Variants in NAALADL2 observed in about 807,000 individuals in gnomAD.
The protein encoded by NAALADL2 is N-acetylated alpha-linked acidic dipeptidase like 2, also known as inactive N-acetylated-alpha-linked acidic dipeptidase-like protein 2.
NAALADL2 carries 76 observed loss-of-function variants against 87.2 expected under a neutral mutation model. That is an observed-to-expected ratio of 0.87 (90% CI 0.72 to 1.05). The LOEUF is 1.05. Ranked by LOEUF, NAALADL2 falls within the 50% of genes least tolerant of loss-of-function variation. The pLI is 0.00. For missense variants in NAALADL2, 1,089 were observed against 945.8 expected (o/e 1.15, Z -1.99); for synonymous variants, 354 against 331.0 (o/e 1.07, Z -0.75).
At chr3:174,581,292 A>G (rs1716138848) in intron 2 of NAALADL2, among the ~76,000 whole-genome samples, 1 of 152,162 alleles carries the variant, frequency 6.6e-6, no homozygotes, top group South Asian at 2.1e-4. Flanking sequence ...AAATGTATTT[A>G]TATTAAGGCA....
At position 174,963,094 on chromosome 3, in the gene NAALADL2, G is replaced by A. The variant is rs941612337; in HGVS notation, c.43+103644G>A. ...CTGTCATTTGAATCCATAAATGCAG[G>A]GCCTGCAGATATGGGAGGTCAAATA... On this transcript the variant is annotated intron_variant, in intron 1 of 13. Transcript: ENST00000454872. Among the ~76,000 whole-genome samples, 6 of 151,870 alleles carry A rather than the reference G, an allele frequency of 4.0e-5. No homozygotes were observed. In the South Asian group the frequency reaches 6.2e-4, roughly 16 times the overall value.
intron 5 of NAALADL2, among the ~76,000 whole-genome samples, chr3:175,433,724 G>C (rs1315896424): frequency 6.6e-6 from 1 of 151,538 alleles, no homozygotes; most frequent in African/African-American, 2.4e-5. Context: ...TGTGAATTTG[G>C]GTTCCATTTC....
chr3:174,699,350 G>C (rs1392538420), intron 2 of NAALADL2, among the ~76,000 whole-genome samples: 1 of 151,966 alleles, frequency 6.6e-6, no homozygotes, highest in Non-Finnish European at 1.5e-5. Flanking sequence ...AAAATGAGTT[G>C]AGTGTGGTGG....
At chr3:175,357,474 G>T (rs1389211701) in intron 5 of NAALADL2, among the ~76,000 whole-genome samples, 1 of 152,052 alleles carries the variant, frequency 6.6e-6, no homozygotes. Flanking sequence ...TAATTAAAAA[G>T]AAAATGTCTT....
At chr3:174,675,706 G>A (rs1296767806) in intron 2 of NAALADL2, among the ~76,000 whole-genome samples, 3 of 151,946 alleles carry the variant, frequency 2.0e-5, no homozygotes, top group Non-Finnish European at 4.4e-5. Context: ...TTCTTCCTGA[G>A]AATTCTAAGT....
intron 1 of NAALADL2, among the ~76,000 whole-genome samples, chr3:175,065,500 A>G (rs955045759): frequency 5.3e-5 from 8 of 152,216 alleles, no homozygotes; most frequent in African/African-American, 1.7e-4. Flanking sequence ...ATGTCAAAAG[A>G]CATACAAGGT....
intron 9 of NAALADL2, among the ~76,000 whole-genome samples, chr3:175,498,443 G>A (rs1012360158): frequency 6.6e-6 from 1 of 152,030 alleles, no homozygotes; most frequent in Admixed American, 6.6e-5. Flanking sequence ...ATTATTGAAA[G>A]TATGTCTTGA....
intron 3 of NAALADL2, chr3:175,235,812 TGAA>T (rs980957155): frequency 6.6e-6 from 1 of 152,222 alleles, no homozygotes; most frequent in Middle Eastern, 3.2e-3. Context: ...GATTATTCCT[TGAA>T]GAAGGAGATA....
Position 174,813,901 on chromosome 3 carries a change from G to A in NAALADL2, c.-9+76155G>A, listed in dbSNP as rs542780758. Among the ~76,000 whole-genome samples, 14 of 152,008 alleles carry A rather than the reference G, an allele frequency of 9.2e-5. No individual in the cohort carries two copies. In the East Asian group the frequency reaches 2.7e-3, roughly 30 times the overall value. ...CAAACTTTTATGCATGTATAGTATA[G>A]CTCTTTAACAGATAGGTAGTGTCTA... On this transcript the variant is annotated intron_variant, in intron 3 of 3. Transcript: ENST00000434257.
chr3:175,594,184 GT>G (rs1721932056), intron 10 of NAALADL2, among the ~76,000 whole-genome samples: 1 of 151,956 alleles, frequency 6.6e-6, no homozygotes. Flanking sequence ...AGTGTCTATT[GT>G]TCCCATGTTT....
chr3:175,690,927 G>A (rs1442638938), intron 11 of NAALADL2, among the ~76,000 whole-genome samples: 1 of 151,696 alleles, frequency 6.6e-6, no homozygotes, highest in Non-Finnish European at 1.5e-5. Flanking sequence ...TCTACTGTCA[G>A]TTCTTCTATG....
chr3:174,516,079 G>A (rs1483030321), intron 1 of NAALADL2, among the ~76,000 whole-genome samples: 1 of 151,968 alleles, frequency 6.6e-6, no homozygotes, highest in Non-Finnish European at 1.5e-5. Context: ...AACTGCATTG[G>A]CAAACAAAAA....
chr3:175,152,336 GTTT>G (rs1468048311), intron 2 of NAALADL2, among the ~76,000 whole-genome samples: 1 of 152,030 alleles, frequency 6.6e-6, no homozygotes, highest in Non-Finnish European at 1.5e-5. Context: ...ATACAAACTT[GTTT>G]TATAGTATGA....
intron 2 of NAALADL2, among the ~76,000 whole-genome samples, chr3:174,619,948 G>A (rs1720836062): frequency 6.6e-6 from 1 of 151,838 alleles, no homozygotes; most frequent in Admixed American, 6.6e-5. Flanking sequence ...TTTCTTGTCA[G>A]TTCTATACAG....
intron 3 of NAALADL2, among the ~76,000 whole-genome samples, chr3:174,762,555 T>G (rs1713170741): frequency 6.6e-6 from 1 of 151,618 alleles, no homozygotes; most frequent in African/African-American, 2.4e-5. Flanking sequence ...GGGCTAGGAT[T>G]AGGTCAATCC....
chr3:175,086,691 C>T lies in NAALADL2; in HGVS notation c.44-10099C>T, dbSNP rs954085203. On this transcript the variant is annotated intron_variant, in intron 1 of 13. Coordinates refer to ENST00000454872, the MANE Select transcript of NAALADL2 (RefSeq NM_207015.3). ...TGGAGGTCTTTCATTTTTTATATTC[C>T]TCTTCATAAATAAAATATAAATGAC... Among the ~76,000 whole-genome samples the T allele has an allele frequency of 6.6e-5, 10 of 151,888 alleles. No individual in the cohort carries two copies. In the South Asian group the frequency reaches 1.9e-3, roughly 28 times the overall value.
chr3:174,943,306 G>C (rs116329272), intron 1 of NAALADL2, among the ~76,000 whole-genome samples: 2,906 of 152,236 alleles, frequency 0.019, 52 homozygotes, highest in Non-Finnish European at 0.026. Context: ...ATGTTAGTGA[G>C]GTAATTTTGA....
At chr3:174,904,439 T>G (rs754236925) in intron 1 of NAALADL2, among the ~76,000 whole-genome samples, 6 of 151,890 alleles carry the variant, frequency 4.0e-5, no homozygotes, top group Non-Finnish European at 5.9e-5. Context: ...TTTGGCATAG[T>G]CTATGAAGCA....
At chr3:174,960,414 G>T (rs1741806297) in intron 1 of NAALADL2, among the ~76,000 whole-genome samples, 1 of 152,098 alleles carries the variant, frequency 6.6e-6, no homozygotes, top group South Asian at 2.1e-4. Flanking sequence ...TTCTGGCGAT[G>T]GAATGTCAAT....
Sources: gnomAD v4.1 joint callset for allele counts (sites outside exome capture counted in the v4.1 genomes callset) on GRCh38, gnomAD v4.1.1 for gene constraint, MANE v1.5 for transcripts, NCBI Gene and HGNC (gene_info 2026-07-23, HGNC 2026-07-21) for gene names.